Variants in DCK observed in about 807,000 individuals in gnomAD.
DCK encodes deoxycytidine kinase.
Under a neutral mutation model 38.3 loss-of-function variants are expected in DCK, and 23 were observed. The ratio of observed to expected loss-of-function variants is 0.60; its 90% CI spans 0.43 to 0.85. The LOEUF (loss-of-function observed/expected upper bound fraction) is 0.85, where lower values mean the gene tolerates loss of function less well. Among genes scored for constraint, DCK ranks in the 40% least tolerant of loss-of-function variants. The pLI is 0.00. For missense variants in DCK, 259 were observed against 304.4 expected (o/e 0.85, Z 1.11); for synonymous variants, 108 against 100.6 (o/e 1.07, Z -0.44).
chr4:71,017,081 T>G (rs1179816555), intron 2 of DCK, among the ~76,000 whole-genome samples: 1 of 151,764 alleles, frequency 6.6e-6, no homozygotes, highest in Non-Finnish European at 1.5e-5. Flanking sequence ...TCAAACAAAT[T>G]TACAAGAAAA....
In DCK at chr4:71,002,194, G is replaced by T. The variant is rs372354965; in HGVS notation, c.207+4012G>T. Among the ~76,000 whole-genome samples the T allele has an allele frequency of 5.3e-5, 8 of 152,274 alleles. No individual in the cohort carries two copies. The East Asian group carries it at 1.5e-3, about 29-fold the overall frequency. On this transcript the variant is annotated intron_variant, in intron 2 of 6. Coordinates refer to ENST00000286648, the MANE Select transcript of DCK (RefSeq NM_000788.3). The stretch of plus-strand genomic sequence containing the variant: ...TGTCTTTGTTCTCATTGGTTGCAAA[G>T]AACTTATTTATTTCTGCCCTAATTT...
chr4:71,026,558 G>T, intron 5 of DCK, 107 bp from the exon 6 acceptor site: 2 of 683,542 alleles, frequency 2.9e-6, no homozygotes, highest in Admixed American at 2.7e-5. Context: ...TAGTGTAAAT[G>T]ATTGACAACA....
intron 2 of DCK, among the ~76,000 whole-genome samples, chr4:70,999,468 G>A (rs577261691): frequency 3.3e-5 from 5 of 152,192 alleles, no homozygotes; most frequent in Admixed American, 6.5e-5. Flanking sequence ...TGTGAATAGC[G>A]CTGGAGTAAA....
chr4:71,022,541 C>A lies in DCK; in HGVS notation c.382C>A (p.Arg128=). ...DAEKPVLFFE[R]SVYSDRYIFA... The stretch of plus-strand genomic sequence containing the variant: ...AGAGAAACCTGTATTATTTTTTGAA[C>A]GATCTGTGTATAGTGACAGGTATGT... The change falls in exon 3 of 7, where the codon CGA becomes AGA. Residue 128 remains arginine (R), a synonymous_variant. Transcript: ENST00000286648. 2 of 1,587,738 alleles carry A rather than the reference C, an allele frequency of 1.3e-6. No individual in the cohort carries two copies. Among genetic ancestry groups the A allele is most frequent in the Non-Finnish European group, 1.7e-6 (2 of 1,170,836 alleles).
At chr4:71,005,077 C>T (rs2148913677) in intron 2 of DCK, among the ~76,000 whole-genome samples, 1 of 152,182 alleles carries the variant, frequency 6.6e-6, no homozygotes, top group East Asian at 1.9e-4. Context: ...AATGGCTGTC[C>T]AGTTTTGTGC....
chr4:70,996,852 G>A (rs144248233), intron 1 of DCK, among the ~76,000 whole-genome samples: 18 of 152,292 alleles, frequency 1.2e-4, no homozygotes, highest in African/African-American at 3.4e-4. Context: ...TATAATGCCT[G>A]CTTGGCATTA....
chr4:71,016,038 C>G (rs1209358533), intron 2 of DCK, among the ~76,000 whole-genome samples: 1 of 152,160 alleles, frequency 6.6e-6, no homozygotes, highest in Admixed American at 6.5e-5. Context: ...AAAACCCCAT[C>G]GTCTCAGCCC....
rs1739600436 is a variant in DCK at position 70,993,916 on chromosome 4, A to T, written c.81A>T (p.Glu27Asp). The T allele has an allele frequency of 6.2e-7, 1 of 1,612,902 alleles. No homozygotes were observed. Among genetic ancestry groups the T allele is most frequent in the Non-Finnish European group, 8.5e-7 (1 of 1,178,954 alleles). The change falls in exon 1 of 7, where the codon GAA (glutamate) becomes GAT (aspartate). Residue 27 changes from glutamate to aspartate, a missense_variant. Coordinates refer to ENST00000286648, the MANE Select transcript of DCK (RefSeq NM_000788.3). ...CCCGCATCAAGAAAATCTCCATCGA[A>T]GGGAACATCGGTAAGGAGCCTCCGG... Reference protein sequence around the residue: ...EGTRIKKISIEGNIAAGKSTF... With the variant: ...EGTRIKKISIDGNIAAGKSTF...
At chr4:71,012,213 T>A (rs1000322168) in intron 2 of DCK, among the ~76,000 whole-genome samples, 2 of 152,078 alleles carry the variant, frequency 1.3e-5, no homozygotes, top group Non-Finnish European at 2.9e-5. Context: ...GCAGTGAGGC[T>A]GGGGGAGGGG....
chr4:71,000,955 T>C (rs1328331956), intron 2 of DCK, among the ~76,000 whole-genome samples: 3 of 152,206 alleles, frequency 2.0e-5, no homozygotes, highest in African/African-American at 7.2e-5. Context: ...AGTCATCATC[T>C]GCAAACAGAG....
chr4:71,011,513 T>A (rs1038597867), intron 2 of DCK, among the ~76,000 whole-genome samples: 5 of 152,096 alleles, frequency 3.3e-5, no homozygotes, highest in African/African-American at 1.2e-4. Context: ...CACACCAACA[T>A]GCCCGGCTAA....
chr4:71,001,268 G>C (rs1739794842), intron 2 of DCK, among the ~76,000 whole-genome samples: 2 of 152,146 alleles, frequency 1.3e-5, no homozygotes, highest in South Asian at 4.1e-4. Context: ...CATTGGTTCT[G>C]TTTATGTGAT....
At position 71,008,756 on chromosome 4, in the gene DCK, G is replaced by T. The variant is rs56375633; in HGVS notation, c.207+10574G>T. On this transcript the variant is annotated intron_variant, in intron 2 of 6. Transcript: ENST00000286648. Reference sequence around the variant, plus strand: ...TCAGCATGCCTCACATTAACCAAGGGCACAGAAACTGACATATAAAACCAA... The same window carrying T: ...TCAGCATGCCTCACATTAACCAAGGTCACAGAAACTGACATATAAAACCAA... Among the ~76,000 whole-genome samples, 478 of 152,244 alleles carry T rather than the reference G, an allele frequency of 3.1e-3. 2 individuals are homozygous for T. Among genetic ancestry groups the T allele is most frequent in the Non-Finnish European group, 3.4e-3 (233 of 68,014 alleles).
chr4:71,008,051 A>G (rs1392005390), intron 2 of DCK, among the ~76,000 whole-genome samples: 1 of 152,184 alleles, frequency 6.6e-6, no homozygotes, highest in Non-Finnish European at 1.5e-5. Context: ...TTATTCGTCT[A>G]TCACTGTTTG....
At chr4:71,005,465 A>T (rs1352003639) in intron 2 of DCK, among the ~76,000 whole-genome samples, 2 of 152,174 alleles carry the variant, frequency 1.3e-5, no homozygotes, top group South Asian at 2.1e-4. Context: ...TAAAAGTTTT[A>T]AAAAATCTAA....
chr4:71,002,297 T>C (rs1273052266), intron 2 of DCK, among the ~76,000 whole-genome samples: 2 of 152,254 alleles, frequency 1.3e-5, no homozygotes, highest in East Asian at 1.9e-4. Context: ...TTCTTAATCC[T>C]GAGTTCTAAT....
intron 2 of DCK, among the ~76,000 whole-genome samples, chr4:71,020,331 TTCTTTACATCAAGA>T (rs1465806461): frequency 6.6e-6 from 1 of 152,230 alleles, no homozygotes; most frequent in Non-Finnish European, 1.5e-5. Context: ...TGATGTGTAT[TTCTTTACATCAAGA>T]AGATGTGTTT....
chr4:71,002,324 C>A (rs1428287236), intron 2 of DCK, among the ~76,000 whole-genome samples: 2 of 152,136 alleles, frequency 1.3e-5, no homozygotes, highest in African/African-American at 4.8e-5. Flanking sequence ...GCACTGTGGT[C>A]TGACAGACTG....
intron 6 of DCK, among the ~76,000 whole-genome samples, chr4:71,029,129 A>G (rs1014109765): frequency 1.3e-5 from 2 of 152,054 alleles, no homozygotes; most frequent in African/African-American, 4.8e-5. Context: ...CCTGACCTTA[A>G]GTGATCCACC....
Sources: allele counts gnomAD v4.1 joint callset (sites outside exome capture counted in the v4.1 genomes callset), GRCh38; gene constraint gnomAD v4.1.1; transcripts MANE v1.5; gene names NCBI Gene and HGNC (gene_info 2026-07-23, HGNC 2026-07-21).